Variants in TRIOBP observed in about 807,000 individuals in gnomAD.
TRIOBP encodes TRIO and F-actin binding protein.
TRIOBP carries 169 observed loss-of-function variants against 238.8 expected under a neutral mutation model. The ratio of observed to expected loss-of-function variants is 0.71; its 90% confidence interval spans 0.62 to 0.80. The LOEUF (loss-of-function observed/expected upper bound fraction) is 0.80, where lower values mean the gene tolerates loss of function less well. TRIOBP is among the 30% of genes least tolerant of loss of function. The probability of loss-of-function intolerance (pLI) is 0.00; values close to 1 mark genes in which losing one functional copy is unlikely to be tolerated. For synonymous variants in TRIOBP, 1,150 were observed against 1,274.4 expected, an observed-to-expected ratio of 0.90 and a Z score of 2.08; for missense variants, 2,838 against 3,122.6, an observed-to-expected ratio of 0.91 and a Z score of 2.17.
intron 19 of TRIOBP, among the ~76,000 whole-genome samples, chr22:37,768,724 C>T (rs1474000656): frequency 6.6e-6 from 1 of 151,996 alleles, no homozygotes; most frequent in East Asian, 1.9e-4. Context: ...TCGCTTGAAC[C>T]CAGGAGGCAG....
chr22:37,697,421 G>C (rs1439127205), intron 1 of TRIOBP, among the ~76,000 whole-genome samples, 167 bp from the exon 2 acceptor site: 1 of 152,120 alleles, frequency 6.6e-6, no homozygotes, highest in Non-Finnish European at 1.5e-5. Flanking sequence ...CAGACCAGGA[G>C]AGAAACGCCC....
At position 37,754,910 on chromosome 22, in the gene TRIOBP, T is replaced by TC; in HGVS notation, c.5414dup (p.Gln1806AlafsTer23). The TC allele has an allele frequency of 6.2e-7, 1 of 1,614,138 alleles. No individual in the cohort carries two copies. The highest frequency in any genetic ancestry group is 8.5e-7 in the Non-Finnish European group (1 of 1,180,030). On this transcript the variant is annotated frameshift_variant, in exon 13 of 24. Transcript: ENST00000644935. LOFTEE classifies it high-confidence loss of function. ...CCCCTCGCTCACCACCACCTCTACT[T>TC]CGCAGTGGAAGAAACATTGGTTTGT...
chr22:37,761,026 G>A (rs1240807128), intron 17 of TRIOBP, among the ~76,000 whole-genome samples: 1 of 152,014 alleles, frequency 6.6e-6, no homozygotes, highest in Non-Finnish European at 1.5e-5. Flanking sequence ...GCCCTAGGCA[G>A]GAGGAGCCTT....
Position 37,723,793 on chromosome 22 carries a change from A to C in TRIOBP, c.1237A>C (p.Lys413Gln). 7.0e-7 allele frequency: 1 copy of C among 1,418,928 alleles called. No individual in the cohort carries two copies. The highest frequency in any genetic ancestry group is 9.9e-7 in the Non-Finnish European group (1 of 1,010,128). 87.9% of individuals were successfully genotyped at this position (1,418,928 alleles called of 1,614,324 possible). ...ATCCTGTGCCCAGCGGGACAATCCCAAAGCCTCCAGAACCTCCTCTCCCAA... is the reference window on the plus strand; with the variant it reads ...ATCCTGTGCCCAGCGGGACAATCCCCAAGCCTCCAGAACCTCCTCTCCCAA... ...RTSCAQRDNPKASRTSSPNRA... is the reference protein window; with the variant it reads ...RTSCAQRDNPQASRTSSPNRA... Residue 413 changes from lysine to glutamine, a missense_variant, in exon 7 of 24, where the codon AAA becomes CAA. By Grantham distance (53) the Lys-to-Gln change is moderately conservative. This residue lies in a region of TRIOBP where 535 missense variants were observed against 537.3 expected (regional missense o/e 1.00). Transcript: ENST00000644935.
At chr22:37,735,641 C>T (rs183933076) in intron 9 of TRIOBP, among the ~76,000 whole-genome samples, 199 bp downstream of exon 9, 2 of 152,350 alleles carry the variant, frequency 1.3e-5, no homozygotes, top group Non-Finnish European at 2.9e-5. Flanking sequence ...CAGTTTTAAG[C>T]GTTTATGGGC....
intron 6 of TRIOBP, among the ~76,000 whole-genome samples, chr22:37,718,123 G>T (rs947534940): frequency 6.6e-6 from 1 of 152,158 alleles, no homozygotes; most frequent in Non-Finnish European, 1.5e-5. Flanking sequence ...AGGGCCAGCC[G>T]GCCGCTCCGA....
chr22:37,701,556 A>G, intron 3 of TRIOBP, 77 bp downstream of exon 3: 1 of 1,074,532 alleles, frequency 9.3e-7, no homozygotes, highest in South Asian at 1.3e-5. Flanking sequence ...GGTGTCCGCT[A>G]ACTCGCAGTT....
chr22:37,703,188 G>T (rs932726522), intron 3 of TRIOBP, among the ~76,000 whole-genome samples: 3 of 151,814 alleles, frequency 2.0e-5, no homozygotes, highest in Non-Finnish European at 4.4e-5. Context: ...TAGAGACAGG[G>T]TTTCACCATG....
rs760754720 is a variant in TRIOBP, at chr22:37,734,707, G to T, written c.4371G>T (p.Gly1457=). The change falls in exon 9 of 24, where the codon GGG becomes GGT. Residue 1457 remains glycine (G), a synonymous_variant. Coordinates refer to ENST00000644935, the MANE Select transcript of TRIOBP (RefSeq NM_001039141.3). ...WSSQEGGLGP[G]GWWGCGEPSL... ...GCCAGGAGGGAGGCCTGGGCCCTGGGGGCTGGTGGGGATGTGGAGAGCCCA... is the reference window on the plus strand; with the variant it reads ...GCCAGGAGGGAGGCCTGGGCCCTGGTGGCTGGTGGGGATGTGGAGAGCCCA... 2 of 1,607,978 alleles carry T rather than the reference G, an allele frequency of 1.2e-6. No individual in the cohort carries two copies. The highest frequency in any genetic ancestry group is 1.7e-6 in the Non-Finnish European group (2 of 1,177,700).
chr22:37,766,048 C>T (rs1926479479), intron 18 of TRIOBP, among the ~76,000 whole-genome samples: 2 of 152,208 alleles, frequency 1.3e-5, no homozygotes, highest in African/African-American at 4.8e-5. Context: ...ACCACCACTA[C>T]CATAGGTGGT....
At chr22:37,769,418 G>C (rs748813214) in intron 21 of TRIOBP, 43 bp downstream of exon 21, 2 of 1,526,396 alleles carry the variant, frequency 1.3e-6, no homozygotes, top group African/African-American at 2.7e-5. Context: ...TGGTTCTCGG[G>C]GCCCGGGGCT....
At chr22:37,714,672 A>G (rs56793436) in intron 5 of TRIOBP, among the ~76,000 whole-genome samples, 8,033 of 146,724 alleles carry the variant, frequency 0.055, 241 homozygotes, top group South Asian at 0.097. Context: ...TTAAATAGAG[A>G]AAAAAAAAAA....
At chr22:37,768,984 G>A in intron 19 of TRIOBP, 44 bp from the exon 20 acceptor site, 3 of 1,612,300 alleles carry the variant, frequency 1.9e-6, no homozygotes, top group South Asian at 2.2e-5. Context: ...GGCTTGGCAG[G>A]AGCAAGACAA....
At chr22:37,748,010 G>A (rs933161967) in intron 11 of TRIOBP, among the ~76,000 whole-genome samples, 1 of 152,214 alleles carries the variant, frequency 6.6e-6, no homozygotes, top group Non-Finnish European at 1.5e-5. Flanking sequence ...GTCCTCCTGT[G>A]ATTATAGGGC....
intron 9 of TRIOBP, among the ~76,000 whole-genome samples, chr22:37,735,833 C>T (rs1191410956): frequency 6.6e-6 from 1 of 152,228 alleles, no homozygotes; most frequent in African/African-American, 2.4e-5. Flanking sequence ...AAGCAAGATG[C>T]TCTGGCCAGG....
At chr22:37,759,468 G>T (rs765408754) in intron 17 of TRIOBP, 13 of 1,546,210 alleles carry the variant, frequency 8.4e-6, no homozygotes, top group Admixed American at 3.3e-5. Context: ...ACTGAGCTCT[G>T]AGAGGTTATG....
intron 11 of TRIOBP, among the ~76,000 whole-genome samples, chr22:37,743,851 T>A: frequency 1.4e-5 from 1 of 69,460 alleles, no homozygotes; most frequent in African/African-American, 6.8e-5. Flanking sequence ...GTGTGCTGGG[T>A]GTGTGTGAGT....
chr22:37,725,730 T>A lies in TRIOBP; in HGVS notation c.3174T>A (p.Tyr1058Ter). Residue 1058 changes from tyrosine (Y) to a stop codon, truncating the protein, a stop_gained, in exon 7 of 24, where the codon TAT (tyrosine) becomes TAA (stop). Coordinates refer to ENST00000644935, the MANE Select transcript of TRIOBP (RefSeq NM_001039141.3). LOFTEE classifies it high-confidence loss of function. ...ESEPPHHEPPYIPPAVCIGHR... is the reference protein window; with the variant it reads ...ESEPPHHEPP The stretch of plus-strand genomic sequence containing the variant: ...AACCGCCCCACCACGAGCCTCCCTA[T>A]ATACCACCTGCTGTGTGCATTGGAC... The A allele has an allele frequency of 6.2e-7, 1 of 1,610,186 alleles. No homozygotes were observed. Among genetic ancestry groups the A allele is most frequent in the Non-Finnish European group, 8.5e-7 (1 of 1,179,038 alleles).
intron 9 of TRIOBP, among the ~76,000 whole-genome samples, chr22:37,736,285 CCT>C (rs149385642): frequency 6.6e-6 from 1 of 151,298 alleles, no homozygotes; most frequent in Non-Finnish European, 1.5e-5. Context: ...TGAACACCAG[CCT>C]CTCTCTCTCT....
Sources: gnomAD v4.1 joint callset for allele counts (sites outside exome capture counted in the v4.1 genomes callset) on GRCh38, gnomAD v4.1.1 for gene constraint, gnomAD v4.1.1 regional missense constraint, MANE v1.5 for transcripts, NCBI Gene and HGNC (gene_info 2026-07-23, HGNC 2026-07-21) for gene names.